The following CSMD1 variants were observed in gnomAD, a reference collection of about 807,000 sequenced individuals.
The protein encoded by CSMD1 is CUB and Sushi multiple domains 1.
A neutral mutation model predicts 417.5 loss-of-function variants in CSMD1; 213 were observed. The ratio of observed to expected loss-of-function variants is 0.51; its 90% CI spans 0.46 to 0.57. CSMD1 has a LOEUF of 0.57. Among genes scored for constraint, CSMD1 ranks in the 20% least tolerant of loss-of-function variants. The pLI, the probability that CSMD1 is intolerant of heterozygous loss-of-function variation, is 0.00. For synonymous variants in CSMD1, 2,862 were observed against 1,736.8 expected, an observed-to-expected ratio of 1.65 and a Z score of -16.11; for missense variants, 6,923 against 4,529.7, an observed-to-expected ratio of 1.53 and a Z score of -15.17.
At chr8:3,863,158 G>T (rs986659724) in intron 5 of CSMD1, among the ~76,000 whole-genome samples, 2 of 152,092 alleles carry the variant, frequency 1.3e-5, no homozygotes, top group Non-Finnish European at 2.9e-5. Context: ...AGCATTTTGG[G>T]AGGCCAAGTC....
intron 7 of CSMD1, among the ~76,000 whole-genome samples, chr8:3,703,380 T>C (rs867325022): frequency 1.3e-5 from 2 of 148,630 alleles, no homozygotes; most frequent in Non-Finnish European, 3.0e-5. Flanking sequence ...TTAGGAGGCA[T>C]AAATGAAAGA....
intron 8 of CSMD1, among the ~76,000 whole-genome samples, chr8:3,611,069 C>A (rs2117136331): frequency 1.7e-5 from 2 of 115,244 alleles, no homozygotes; most frequent in South Asian, 5.8e-4. Flanking sequence ...ACATCACACT[C>A]TGCGAACTGT....
chr8:4,890,404 A>T (rs1049863977), intron 1 of CSMD1, among the ~76,000 whole-genome samples: 1 of 136,296 alleles, frequency 7.3e-6, no homozygotes, highest in Non-Finnish European at 1.6e-5. Context: ...ATCCTGGGCA[A>T]GACAGGTGAG....
chr8:3,834,509 A>G (rs779559071), intron 5 of CSMD1, among the ~76,000 whole-genome samples: 6 of 152,194 alleles, frequency 3.9e-5, no homozygotes, highest in African/African-American at 9.6e-5. Context: ...TAAGGGGAGA[A>G]ACGGGGTAGA....
chr8:4,078,099 C>A (rs1250160983), intron 3 of CSMD1, among the ~76,000 whole-genome samples: 1 of 152,096 alleles, frequency 6.6e-6, no homozygotes, highest in Non-Finnish European at 1.5e-5. Flanking sequence ...AGAGAGAAAT[C>A]TTCAAATAAT....
Position 4,590,475 on chromosome 8 carries a change from A to C in CSMD1, c.302+46867T>G, listed in dbSNP as rs115728051. 5.0e-3 allele frequency among the ~76,000 whole-genome samples: 761 copies of C among 152,330 alleles called. 8 individuals carry two copies. The highest frequency in any genetic ancestry group is 0.017 in the African/African-American group (706 of 41,582). On this transcript the variant is annotated intron_variant, in intron 2 of 69. Coordinates refer to ENST00000635120, the MANE Select transcript of CSMD1 (RefSeq NM_033225.6). ...CATTAAGATTGTTCTGGTATGTAGA[A>C]TGTAAATAAAATTTATAGCTTTATT...
At chr8:3,658,774 C>T (rs944555303) in intron 7 of CSMD1, among the ~76,000 whole-genome samples, 3 of 152,108 alleles carry the variant, frequency 2.0e-5, no homozygotes, top group African/African-American at 4.8e-5. Context: ...CAAAGAGAGA[C>T]TCCACCTCAA....
At chr8:3,384,627 G>C (rs1266408278) in intron 18 of CSMD1, among the ~76,000 whole-genome samples, 1 of 141,042 alleles carries the variant, frequency 7.1e-6, no homozygotes, top group Non-Finnish European at 1.5e-5. Flanking sequence ...TTTGCAAATT[G>C]CTATTTATAT....
rs913347513 is a variant in CSMD1 at position 3,670,617 on chromosome 8, G to A, written c.1009+37797C>T. Among the ~76,000 whole-genome samples the A allele has an allele frequency of 2.7e-5, 4 of 146,566 alleles. No homozygotes were observed. The East Asian group carries it at 6.0e-4, about 22-fold the overall frequency. ...TATATATATTGCACATATATATGGG[G>A]ATATATATATGGGATATTTATATAT... On this transcript the variant is annotated intron_variant, in intron 7 of 69. Transcript: ENST00000635120.
At chr8:3,717,322 G>T (rs1214269065) in intron 6 of CSMD1, among the ~76,000 whole-genome samples, 1 of 152,046 alleles carries the variant, frequency 6.6e-6, no homozygotes, top group Non-Finnish European at 1.5e-5. Flanking sequence ...TTGTATGTCA[G>T]TTGTTTAAAT....
In CSMD1 at chr8:2,962,570, G is replaced by C; in HGVS notation, c.9524C>G (p.Ser3175Cys). Residue 3175 changes from serine (S) to cysteine (C), a missense_variant, in exon 61 of 70, where the codon TCC becomes TGC. Coordinates refer to ENST00000635120, the MANE Select transcript of CSMD1 (RefSeq NM_033225.6). ...RLSGKSFTYK[S>C]EVFFQCKSPF... ...AGATTTGCACTGGAAGAAGACTTCGGACTTATAGGTGAAACTTTTCCCACT... is the reference window on the plus strand; with the variant it reads ...AGATTTGCACTGGAAGAAGACTTCGCACTTATAGGTGAAACTTTTCCCACT... 1.2e-6 allele frequency: 2 copies of C among 1,613,872 alleles called. No individual in the cohort carries two copies. Among genetic ancestry groups the C allele is most frequent in the Non-Finnish European group, 1.7e-6 (2 of 1,179,848 alleles).
chr8:3,257,395 A>C lies in CSMD1; in HGVS notation c.4153+26749T>G, dbSNP rs76469365. ...CTCACTTGGGACACATCAATCAACA[A>C]ATTAGGATCTCTTTCCTTGTGGAGG... is the stretch of plus-strand genomic sequence containing the variant. On this transcript the variant is annotated intron_variant, in intron 26 of 69. Coordinates refer to ENST00000635120, the MANE Select transcript of CSMD1 (RefSeq NM_033225.6). Among the ~76,000 whole-genome samples, 377 of 152,334 alleles carry C rather than the reference A, an allele frequency of 2.5e-3. 1 individual carries two copies. The highest frequency in any genetic ancestry group is 8.1e-3 in the African/African-American group (336 of 41,574).
At chr8:3,612,226 C>T (rs1298002318) in intron 8 of CSMD1, among the ~76,000 whole-genome samples, 4 of 151,902 alleles carry the variant, frequency 2.6e-5, no homozygotes, top group African/African-American at 7.2e-5. Context: ...CATTTCATAA[C>T]AAAAGGTATT....
chr8:3,339,047 C>G (rs1451078017), intron 23 of CSMD1, among the ~76,000 whole-genome samples: 1 of 141,024 alleles, frequency 7.1e-6, no homozygotes, highest in Non-Finnish European at 1.5e-5. Flanking sequence ...CATGTGATCT[C>G]ATTGTTCAAT....
chr8:4,862,909 A>G (rs548266824), intron 1 of CSMD1, among the ~76,000 whole-genome samples: 5 of 152,006 alleles, frequency 3.3e-5, no homozygotes, highest in Non-Finnish European at 5.9e-5. Flanking sequence ...CGTGGGAGAC[A>G]CAGCACCAAG....
At chr8:3,562,478 C>G (rs1327132456) in intron 10 of CSMD1, among the ~76,000 whole-genome samples, 2 of 133,966 alleles carry the variant, frequency 1.5e-5, no homozygotes, top group African/African-American at 2.7e-5. Context: ...CACACACACA[C>G]ATTAAGGTTG....
chr8:3,395,618 A>G lies in CSMD1; in HGVS notation c.2593+576T>C, dbSNP rs761453477. ...TATAATATTTTGACAATTGTTTTAA[A>G]ATATGTTTAATAATTGTTTTAAAGT... is the stretch of plus-strand genomic sequence containing the variant. On this transcript the variant is annotated intron_variant, in intron 17 of 69. Transcript: ENST00000635120. 3.9e-5 allele frequency among the ~76,000 whole-genome samples: 6 copies of G among 152,320 alleles called. No homozygotes were observed. The East Asian group carries it at 9.6e-4, about 24-fold the overall frequency.
intron 4 of CSMD1, among the ~76,000 whole-genome samples, chr8:4,000,684 A>G (rs1815598206): frequency 6.6e-6 from 1 of 152,096 alleles, no homozygotes; most frequent in Admixed American, 6.5e-5. Context: ...ACTCTATATA[A>G]ACATATCACA....
chr8:4,454,665 T>C (rs1370080599), intron 2 of CSMD1, among the ~76,000 whole-genome samples: 1 of 152,206 alleles, frequency 6.6e-6, no homozygotes, highest in Non-Finnish European at 1.5e-5. Flanking sequence ...TTCCAGGTCC[T>C]ATTATCTTAG....
Sources: allele counts gnomAD v4.1 joint callset (sites outside exome capture counted in the v4.1 genomes callset), GRCh38; gene constraint gnomAD v4.1.1; transcripts MANE v1.5; gene names NCBI Gene and HGNC (gene_info 2026-07-23, HGNC 2026-07-21).